The following GREB1L variants were observed in gnomAD, a reference collection of about 807,000 sequenced individuals.
GREB1L encodes the protein GREB1-like protein.
GREB1L carries 17 observed loss-of-function variants against 200.8 expected under a neutral mutation model. That is an observed-to-expected ratio of 0.08 (90% CI 0.06 to 0.13). The LOEUF (loss-of-function observed/expected upper bound fraction) is 0.13. Ranked by LOEUF, GREB1L falls within the 10% of genes least tolerant of loss-of-function variation. The probability of loss-of-function intolerance (pLI) is 1.00; values close to 1 mark genes in which losing one functional copy is unlikely to be tolerated. For missense variants in GREB1L, 1,657 were observed against 2,367.7 expected, an observed-to-expected ratio of 0.70 and a Z score of 6.23; for synonymous variants, 789 against 893.0, an observed-to-expected ratio of 0.88 and a Z score of 2.08.
At chr18:21,509,738 T>C (rs2037163448) in intron 27 of GREB1L, among the ~76,000 whole-genome samples, 1 of 152,192 alleles carries the variant, frequency 6.6e-6, no homozygotes, top group Non-Finnish European at 1.5e-5. Context: ...TATGACCTTC[T>C]TCTGTGCCTG....
intron 1 of GREB1L, among the ~76,000 whole-genome samples, chr18:21,352,681 G>A (rs1174461056): frequency 4.6e-5 from 7 of 151,738 alleles, no homozygotes; most frequent in Non-Finnish European, 7.4e-5. Context: ...CAATCCACCC[G>A]CCTCAGCCTC....
chr18:21,301,351 C>G (rs1459409125), intron 1 of GREB1L, among the ~76,000 whole-genome samples: 2 of 152,176 alleles, frequency 1.3e-5, no homozygotes, highest in Admixed American at 1.3e-4. Context: ...CTTTTCCTCC[C>G]AGAGGCTGTC....
chr18:21,520,406 TAAATG>T (rs1325552686), intron 31 of GREB1L, among the ~76,000 whole-genome samples: 1 of 152,264 alleles, frequency 6.6e-6, no homozygotes, highest in Non-Finnish European at 1.5e-5. Flanking sequence ...TAAAGACTCT[TAAATG>T]GAAGGGCTTG....
At chr18:21,409,766 AT>A (rs2030736937) in intron 7 of GREB1L, among the ~76,000 whole-genome samples, 2 of 152,098 alleles carry the variant, frequency 1.3e-5, no homozygotes, top group Admixed American at 1.3e-4. Context: ...AAGCCAATCA[AT>A]TTTTCTGTGC....
chr18:21,505,616 T>C lies in GREB1L; in HGVS notation c.4228+49T>C, dbSNP rs1312045238. ...CCTCCTCTCTGGGTTAAGGGGACAC[T>C]AGCTCAGGGTGCCTTACATCTCACT... On this transcript the variant is annotated intron_variant, in intron 24 of 32. Coordinates refer to ENST00000424526, the MANE Select transcript of GREB1L (RefSeq NM_001142966.3). 6 of 1,533,632 alleles carry C rather than the reference T, an allele frequency of 3.9e-6. No individual in the cohort carries two copies. The Admixed American group carries it at 1.2e-4, about 31-fold the overall frequency.
intron 15 of GREB1L, among the ~76,000 whole-genome samples, chr18:21,459,272 T>C (rs2034921837): frequency 1.3e-5 from 2 of 149,490 alleles, no homozygotes; most frequent in African/African-American, 4.9e-5. Flanking sequence ...CTTTTTCTTT[T>C]TCTTTACTTT....
At chr18:21,268,797 C>T (rs571397354) in intron 1 of GREB1L, among the ~76,000 whole-genome samples, 5 of 151,092 alleles carry the variant, frequency 3.3e-5, no homozygotes, top group South Asian at 4.2e-4. Context: ...GGGGTTTTGC[C>T]GTGTTGCCCG....
At chr18:21,482,628 T>C (rs1346445337) in intron 17 of GREB1L, among the ~76,000 whole-genome samples, 3 of 148,730 alleles carry the variant, frequency 2.0e-5, no homozygotes, top group African/African-American at 4.9e-5. Flanking sequence ...AGCACACCAT[T>C]GTGTAGATTA....
intron 7 of GREB1L, among the ~76,000 whole-genome samples, chr18:21,438,426 A>T (rs1481145876): frequency 6.6e-6 from 1 of 152,154 alleles, no homozygotes; most frequent in Non-Finnish European, 1.5e-5. Flanking sequence ...ACACTTTGGG[A>T]AGCCAAGGTG....
Position 21,320,291 on chromosome 18 carries a change from A to G in GREB1L, c.-119-45736A>G, listed in dbSNP as rs149851376. Among the ~76,000 whole-genome samples, 43 of 152,316 alleles carry G rather than the reference A, an allele frequency of 2.8e-4. 3 individuals are homozygous for G. In the East Asian group the frequency reaches 8.3e-3, roughly 29 times the overall value. ...AAAAAAGGTTGCCTTAGAAGAGCATATAGAAATTGTCACCAAATAAGCCAT... is the reference window on the plus strand; with the variant it reads ...AAAAAAGGTTGCCTTAGAAGAGCATGTAGAAATTGTCACCAAATAAGCCAT... On this transcript the variant is annotated intron_variant, in intron 1 of 32. Transcript: ENST00000424526.
rs373468605 is a variant in GREB1L at position 21,383,533 on chromosome 18, T to C, written c.15T>C (p.Tyr5=). The C allele has an allele frequency of 2.7e-6, 4 of 1,468,692 alleles. No homozygotes were observed. The highest frequency in any genetic ancestry group is 2.7e-5 in the East Asian group (1 of 37,556). The allele number at this position is 1,468,692 out of a possible 1,614,324, so 91.0% of individuals were successfully genotyped here. A position where few individuals can be genotyped will look rare whatever the true frequency, so the allele number is the denominator to read the frequency against. The change falls in exon 3 of 33, where the codon TAT becomes TAC. Residue 5 remains tyrosine (Y), a synonymous_variant. Coordinates refer to ENST00000424526, the MANE Select transcript of GREB1L (RefSeq NM_001142966.3). ...AGGTGTAGATCATGGGGAATTCATATGCTGGGCAACTGAAATCTGCTCGAT... is the reference window on the plus strand; with the variant it reads ...AGGTGTAGATCATGGGGAATTCATACGCTGGGCAACTGAAATCTGCTCGAT... MGNS[Y]AGQLKSARFE...
At chr18:21,351,653 A>G (rs1478259643) in intron 1 of GREB1L, among the ~76,000 whole-genome samples, 9 of 151,974 alleles carry the variant, frequency 5.9e-5, no homozygotes, top group African/African-American at 1.5e-4. Flanking sequence ...AAAGGAATAG[A>G]TATTACATTC....
At chr18:21,278,389 A>AAAAAAATAAAT (rs750178610) in intron 1 of GREB1L, among the ~76,000 whole-genome samples, 1 of 125,610 alleles carries the variant, frequency 8.0e-6, no homozygotes, top group South Asian at 2.4e-4. Flanking sequence ...TCAAAAAAAA[A>AAAAAAATAAAT]AAATAAATAA....
At position 21,499,900 on chromosome 18, in the gene GREB1L, C is replaced by T. The variant is rs1191079926; in HGVS notation, c.3563C>T (p.Ser1188Phe). The T allele has an allele frequency of 1.4e-5, 22 of 1,549,672 alleles. No homozygotes were observed. The highest frequency in any genetic ancestry group is 1.7e-5 in the Non-Finnish European group (20 of 1,146,184). ...AGETLKQECD[S>F]LGPQMASSTT... ...GAGACTCTGAAGCAGGAATGTGACTCCCTGGGCCCCCAGATGGCGAGCAGC... is the reference window on the plus strand; with the variant it reads ...GAGACTCTGAAGCAGGAATGTGACTTCCTGGGCCCCCAGATGGCGAGCAGC... Residue 1188 changes from serine to phenylalanine, a missense_variant, in exon 22 of 33, where the codon TCC (serine) becomes TTC (phenylalanine). Around this residue, in one of 9 missense-constraint regions of GREB1L, gnomAD observed 512 missense variants for 668.3 expected, o/e 0.77. Transcript: ENST00000424526.
intron 13 of GREB1L, 143 bp from the exon 14 acceptor site, chr18:21,451,940 A>C: frequency 1.5e-6 from 1 of 674,758 alleles, no homozygotes; most frequent in Non-Finnish European, 2.5e-6. Flanking sequence ...TACTATAAAG[A>C]TGGCCAAGTG....
chr18:21,249,436 A>C (rs542689611), intron 1 of GREB1L, among the ~76,000 whole-genome samples: 2 of 152,364 alleles, frequency 1.3e-5, no homozygotes, highest in African/African-American at 2.4e-5. Flanking sequence ...CTGTCTGCTT[A>C]CTAGTGGTAT....
chr18:21,404,567 T>C (rs1210416393), intron 7 of GREB1L, among the ~76,000 whole-genome samples: 1 of 152,216 alleles, frequency 6.6e-6, no homozygotes, highest in East Asian at 1.9e-4. Context: ...TGACTGATCC[T>C]ACTGAGCAGA....
At chr18:21,485,906 G>A (rs922939954) in intron 18 of GREB1L, among the ~76,000 whole-genome samples, 153 bp downstream of exon 18, 7 of 152,140 alleles carry the variant, frequency 4.6e-5, no homozygotes, top group African/African-American at 1.7e-4. Flanking sequence ...TTCCTAAGAT[G>A]CCCTACTATT....
intron 1 of GREB1L, among the ~76,000 whole-genome samples, chr18:21,349,367 A>G (rs1048898186): frequency 9.2e-5 from 14 of 152,010 alleles, no homozygotes; most frequent in African/African-American, 3.1e-4. Context: ...CTCAATCTCC[A>G]TCCCCCAAAT....
Sources: allele counts gnomAD v4.1 joint callset (sites outside exome capture counted in the v4.1 genomes callset), GRCh38; gene constraint gnomAD v4.1.1; regional missense constraint gnomAD v4.1.1; transcripts MANE v1.5; gene names NCBI Gene and HGNC (gene_info 2026-07-23, HGNC 2026-07-21).